The following THSD7B variants were observed in gnomAD, a reference collection of about 807,000 sequenced individuals.
THSD7B encodes the protein thrombospondin type 1 domain containing 7B, also known as thrombospondin type-1 domain-containing protein 7B.
A neutral mutation model predicts 213.6 loss-of-function variants in THSD7B; 138 were observed. The ratio of observed to expected loss-of-function variants is 0.65; its 90% CI spans 0.56 to 0.74. The LOEUF is 0.74. Among genes scored for constraint, THSD7B ranks in the 30% least tolerant of loss-of-function variants. The pLI, the probability that THSD7B is intolerant of heterozygous loss-of-function variation, is 0.00. For synonymous variants in THSD7B, 742 were observed against 687.0 expected, an observed-to-expected ratio of 1.08 and a Z score of -1.25; for missense variants, 1,931 against 1,991.5, an observed-to-expected ratio of 0.97 and a Z score of 0.58.
intron 2 of THSD7B, among the ~76,000 whole-genome samples, chr2:136,969,775 G>A (rs1685375785): frequency 6.6e-6 from 1 of 152,112 alleles, no homozygotes; most frequent in African/African-American, 2.4e-5. Context: ...GGGATCCCAA[G>A]TCTCCCTAAA....
intron 24 of THSD7B, among the ~76,000 whole-genome samples, chr2:137,657,997 C>T (rs1683271710): frequency 6.6e-6 from 1 of 152,224 alleles, no homozygotes; most frequent in South Asian, 2.1e-4. Context: ...AGGCGTGAGC[C>T]ACCACGCCCG....
At chr2:137,181,973 AT>A (rs1271101136) in intron 7 of THSD7B, among the ~76,000 whole-genome samples, 18 of 152,198 alleles carry the variant, frequency 1.2e-4, no homozygotes, top group African/African-American at 4.3e-4. Flanking sequence ...TTAGCAGTAT[AT>A]TTTGAGTGCA....
intron 27 of THSD7B, among the ~76,000 whole-genome samples, chr2:137,668,225 T>C (rs1033306614): frequency 1.3e-5 from 2 of 152,172 alleles, no homozygotes; most frequent in Non-Finnish European, 2.9e-5. Context: ...GGCCAGGTCA[T>C]CTGGGTGTTG....
At position 137,218,133 on chromosome 2, in the gene THSD7B, C is replaced by T. The variant is rs143300087; in HGVS notation, c.1724-12911C>T. ...ATTAATGATATAATTACAATTTGACCTCTTAAGTAGACATCCAATAAAATA... is the reference window on the plus strand; with the variant it reads ...ATTAATGATATAATTACAATTTGACTTCTTAAGTAGACATCCAATAAAATA... On this transcript the variant is annotated intron_variant, in intron 7 of 27. Coordinates refer to ENST00000409968, the MANE Select transcript of THSD7B (RefSeq NM_001316349.2). Among the ~76,000 whole-genome samples, 134 of 152,200 alleles carry T rather than the reference C, an allele frequency of 8.8e-4. No homozygotes were observed. The East Asian group carries it at 0.022, about 25-fold the overall frequency.
chr2:137,620,485 C>T, intron 19 of THSD7B, 124 bp from the exon 20 acceptor site: 1 of 636,814 alleles, frequency 1.6e-6, no homozygotes, highest in Non-Finnish European at 2.7e-6. Context: ...AAAGGATATA[C>T]TTCCCCACTG....
chr2:137,402,296 T>A (rs1686387185), intron 12 of THSD7B, among the ~76,000 whole-genome samples: 1 of 152,158 alleles, frequency 6.6e-6, no homozygotes, highest in South Asian at 2.1e-4. Context: ...TATGTGTGAA[T>A]TCCACCCTAC....
chr2:136,789,335 A>T (rs1487668574), intron 1 of THSD7B, among the ~76,000 whole-genome samples: 1 of 151,808 alleles, frequency 6.6e-6, no homozygotes, highest in African/African-American at 2.4e-5. Flanking sequence ...TTTTATTTTT[A>T]ATTTTTTAGC....
At chr2:137,667,204 T>C (rs1321273223) in intron 26 of THSD7B, among the ~76,000 whole-genome samples, 2 of 152,216 alleles carry the variant, frequency 1.3e-5, no homozygotes, top group Non-Finnish European at 2.9e-5. Context: ...AACTAATGAT[T>C]ACCAGTGTTT....
chr2:137,144,564 C>T (rs1458907996), intron 5 of THSD7B, among the ~76,000 whole-genome samples: 11 of 151,940 alleles, frequency 7.2e-5, no homozygotes, highest in African/African-American at 2.7e-4. Context: ...ACATAGTCTA[C>T]AGAGGCCTTT....
At chr2:137,473,969 T>C (rs1688144977) in intron 15 of THSD7B, among the ~76,000 whole-genome samples, 1 of 152,222 alleles carries the variant, frequency 6.6e-6, no homozygotes, top group Non-Finnish European at 1.5e-5. Context: ...TCCTCTTAGA[T>C]GTGCCACGTT....
intron 12 of THSD7B, among the ~76,000 whole-genome samples, chr2:137,284,128 G>C (rs1683109514): frequency 6.6e-6 from 1 of 152,124 alleles, no homozygotes; most frequent in East Asian, 1.9e-4. Context: ...TTAGTCTTGG[G>C]AGAGTGTATG....
At chr2:137,452,759 G>A (rs1477462518) in intron 15 of THSD7B, among the ~76,000 whole-genome samples, 1 of 152,162 alleles carries the variant, frequency 6.6e-6, no homozygotes, top group Non-Finnish European at 1.5e-5. Context: ...ACATTTGAGA[G>A]TAAGAATAAG....
At chr2:137,508,215 C>G (rs746041358) in intron 15 of THSD7B, among the ~76,000 whole-genome samples, 28 of 151,756 alleles carry the variant, frequency 1.8e-4, no homozygotes, top group Non-Finnish European at 4.4e-5. Context: ...TTTTTAAATT[C>G]TTTCTCTCTT....
At chr2:136,805,699 G>C (rs977227056) in intron 1 of THSD7B, among the ~76,000 whole-genome samples, 1 of 152,234 alleles carries the variant, frequency 6.6e-6, no homozygotes, top group African/African-American at 2.4e-5. Context: ...GGTTTGGCTA[G>C]TAGGGGAGGG....
chr2:136,812,357 C>T (rs897523880), intron 1 of THSD7B, among the ~76,000 whole-genome samples: 1 of 152,158 alleles, frequency 6.6e-6, no homozygotes, highest in African/African-American at 2.4e-5. Flanking sequence ...AAAAAATTCA[C>T]AGTACTTTAG....
At chr2:136,896,543 T>C (rs979083631) in intron 2 of THSD7B, among the ~76,000 whole-genome samples, 5 of 152,284 alleles carry the variant, frequency 3.3e-5, no homozygotes, top group Non-Finnish European at 7.4e-5. Flanking sequence ...AAGTTTTGTA[T>C]TCTTATGAAG....
In THSD7B at chr2:137,272,660, T is replaced by A. The variant is rs1484197434; in HGVS notation, c.2394T>A (p.Tyr798Ter). 6.2e-7 allele frequency: 1 copy of A among 1,610,986 alleles called. No homozygotes were observed. The highest frequency in any genetic ancestry group is 1.3e-5 in the African/African-American group (1 of 74,808). Residue 798 changes from tyrosine (Y) to a stop codon, truncating the protein, a stop_gained and splice_region_variant, in exon 11 of 28, where the codon TAT becomes TAA. Coordinates refer to ENST00000409968, the MANE Select transcript of THSD7B (RefSeq NM_001316349.2). LOFTEE classifies it high-confidence loss of function. ...AAGATGTTTCCTTGTGTCCTGTATA[T>A]CGGCAAGTAGTTACCTTTTAAAATT... ...ECEDVSLCPVYRWKPQKWSPC... is the reference protein window; with the variant it reads ...ECEDVSLCPV
At chr2:137,612,303 CT>C (rs1340505222) in intron 17 of THSD7B, among the ~76,000 whole-genome samples, 1 of 152,134 alleles carries the variant, frequency 6.6e-6, no homozygotes, top group African/African-American at 2.4e-5. Context: ...TAATCTGAAT[CT>C]GTTACATGCA....
At chr2:137,227,858 AT>A (rs915086102) in intron 7 of THSD7B, among the ~76,000 whole-genome samples, 2 of 152,218 alleles carry the variant, frequency 1.3e-5, no homozygotes, top group Admixed American at 6.5e-5. Flanking sequence ...GATGAAGACC[AT>A]TTTTTGTGGT....
Sources: allele counts gnomAD v4.1 joint callset (sites outside exome capture counted in the v4.1 genomes callset), GRCh38; gene constraint gnomAD v4.1.1; transcripts MANE v1.5; gene names NCBI Gene and HGNC (gene_info 2026-07-23, HGNC 2026-07-21).